Variants in FERMT2 observed in about 807,000 individuals in gnomAD.
FERMT2 encodes FERM domain containing kindlin 2.
Under a neutral mutation model 82.7 loss-of-function variants are expected in FERMT2, and 15 were observed. That is an observed-to-expected ratio of 0.18 (90% CI 0.12 to 0.28). The LOEUF is 0.28. Ranked by LOEUF, FERMT2 falls within the 10% of genes least tolerant of loss-of-function variation. The pLI is 1.00. For missense variants in FERMT2, 645 were observed against 809.4 expected (o/e 0.80, Z 2.46); for synonymous variants, 274 against 271.5 (o/e 1.01, Z -0.09).
intron 3 of FERMT2, among the ~76,000 whole-genome samples, chr14:52,916,900 A>T (rs1389621242): frequency 6.6e-6 from 1 of 152,212 alleles, no homozygotes; most frequent in Non-Finnish European, 1.5e-5. Flanking sequence ...ATAAACAATT[A>T]AAAAAAGGAA....
chr14:52,858,365 C>T lies in FERMT2; in HGVS notation c.*12G>A, dbSNP rs1178847575. The T allele has an allele frequency of 6.2e-7, 1 of 1,607,074 alleles. No individual in the cohort carries two copies. The highest frequency in any genetic ancestry group is 2.2e-5 in the East Asian group (1 of 44,832). The stretch of plus-strand genomic sequence containing the variant: ...GTTATGGCCGTGGAGTTTCATTAAA[C>T]AGTATTCCTATTCACACCCAACCAC... On this transcript the variant is annotated 3_prime_UTR_variant, in exon 15 of 15. Transcript: ENST00000341590.
In FERMT2 at chr14:52,858,189, T is replaced by A; in HGVS notation, c.*188A>T. 1 of 531,222 alleles carries A rather than the reference T, an allele frequency of 1.9e-6. No homozygotes were observed. Among genetic ancestry groups the A allele is most frequent in the South Asian group, 3.1e-5 (1 of 32,770 alleles). The allele number at this position is 531,222 out of a possible 1,614,324, so 32.9% of individuals were successfully genotyped here. A position where few individuals can be genotyped will look rare whatever the true frequency, so the allele number is the denominator to read the frequency against. ...GAATGTGTGACAAATTCAAGTTTAT[T>A]ATATCATAACATGATAGATTAATAG... is the stretch of plus-strand genomic sequence containing the variant. On this transcript the variant is annotated 3_prime_UTR_variant, in exon 15 of 15. Transcript: ENST00000341590.
At chr14:52,909,296 G>A (rs1257928179) in intron 3 of FERMT2, among the ~76,000 whole-genome samples, 3 of 152,120 alleles carry the variant, frequency 2.0e-5, no homozygotes, top group Non-Finnish European at 1.5e-5. Flanking sequence ...CTCAACCCAC[G>A]TATGCCTGGA....
At chr14:52,908,399 T>A (rs1035818095) in intron 3 of FERMT2, among the ~76,000 whole-genome samples, 14 of 152,198 alleles carry the variant, frequency 9.2e-5, no homozygotes, top group African/African-American at 3.1e-4. Context: ...AGCTTTTTTT[T>A]AAAATAATGA....
intron 3 of FERMT2, among the ~76,000 whole-genome samples, chr14:52,912,548 T>C (rs1005323061): frequency 2.0e-5 from 3 of 151,592 alleles, no homozygotes; most frequent in Admixed American, 2.0e-4. Flanking sequence ...TCTTACTCTG[T>C]TGCCCAGGCT....
chr14:52,942,859 T>C (rs1386999415), intron 2 of FERMT2, among the ~76,000 whole-genome samples: 2 of 152,136 alleles, frequency 1.3e-5, no homozygotes, highest in African/African-American at 4.8e-5. Flanking sequence ...GCTTATTTAA[T>C]AGTAAGCTAA....
intron 3 of FERMT2, among the ~76,000 whole-genome samples, chr14:52,902,260 G>T (rs1887697110): frequency 6.6e-6 from 1 of 151,992 alleles, no homozygotes; most frequent in South Asian, 2.1e-4. Context: ...GGGCATGATG[G>T]CGTGCATCTG....
intron 4 of FERMT2, among the ~76,000 whole-genome samples, chr14:52,887,470 A>G (rs1329028374): frequency 1.3e-5 from 2 of 152,108 alleles, no homozygotes; most frequent in African/African-American, 4.8e-5. Context: ...TAACATAGCA[A>G]GACCCTGTCC....
chr14:52,863,198 T>C (rs1022182305), intron 12 of FERMT2: 6 of 152,132 alleles, frequency 3.9e-5, no homozygotes, highest in Non-Finnish European at 7.4e-5. Context: ...GGATAAACAA[T>C]TTCTAGGCTT....
rs1885707460 is a variant in FERMT2 at position 52,872,808 on chromosome 14, T to C, written c.1264A>G (p.Asn422Asp). The C allele has an allele frequency of 6.2e-7, 1 of 1,613,826 alleles. No individual in the cohort carries two copies. Among genetic ancestry groups the C allele is most frequent in the African/African-American group, 1.3e-5 (1 of 74,936 alleles). The stretch of plus-strand genomic sequence containing the variant: ...GCCAGGCTCTCCTTACCCCTGAGGT[T>C]CATCTGATGAGCTGGTGTGCCACTG... ...ESSGTPAHQM[N>D]LRGCEVTPDV... is the part of the protein sequence containing the mutation. Residue 422 changes from asparagine (N) to aspartate (D), a missense_variant, in exon 10 of 15, where the codon AAC becomes GAC. Physicochemically the swap from Asn to Asp is conservative, Grantham distance 23 (BLOSUM62 1). Transcript: ENST00000341590.
chr14:52,880,628 A>C (rs1477728882), intron 6 of FERMT2, among the ~76,000 whole-genome samples: 2 of 152,076 alleles, frequency 1.3e-5, no homozygotes, highest in Non-Finnish European at 2.9e-5. Context: ...TGAATTCCTG[A>C]CCATGTGATC....
At chr14:52,878,372 A>T (rs1886093964) in intron 7 of FERMT2, among the ~76,000 whole-genome samples, 1 of 152,216 alleles carries the variant, frequency 6.6e-6, no homozygotes, top group African/African-American at 2.4e-5. Context: ...AATAGAGAAA[A>T]GTACTTAAGT....
intron 2 of FERMT2, among the ~76,000 whole-genome samples, chr14:52,945,353 C>T (rs1470732620): frequency 6.6e-6 from 1 of 151,750 alleles, no homozygotes; most frequent in East Asian, 1.9e-4. Flanking sequence ...CAGGTTCAAG[C>T]GATTCTCCTG....
At chr14:52,900,477 A>G (rs1887557975) in intron 3 of FERMT2, among the ~76,000 whole-genome samples, 1 of 151,548 alleles carries the variant, frequency 6.6e-6, no homozygotes, top group South Asian at 2.1e-4. Context: ...GAATACGTGC[A>G]TTTATTTTCA....
intron 3 of FERMT2, among the ~76,000 whole-genome samples, chr14:52,899,661 G>T (rs1390065276): frequency 2.0e-5 from 3 of 152,178 alleles, no homozygotes; most frequent in African/African-American, 7.2e-5. Context: ...CTAATGGTAG[G>T]TAGTTCCATA....
rs77583135 is a variant in FERMT2, at chr14:52,878,135, C to A, written c.963+447G>T. Reference sequence around the variant, plus strand: ...TTTGGTTCCACTAGTCTCTCTAAATCTTATCACCTAAAAGCATCGCTTTGC... The same window carrying A: ...TTTGGTTCCACTAGTCTCTCTAAATATTATCACCTAAAAGCATCGCTTTGC... On this transcript the variant is annotated intron_variant, in intron 7 of 14. Transcript: ENST00000341590. 7.7e-3 allele frequency among the ~76,000 whole-genome samples: 1,170 copies of A among 152,234 alleles called. 50 individuals carry two copies. Among genetic ancestry groups the A allele is most frequent in the Admixed American group, 0.063 (956 of 15,280 alleles).
At chr14:52,905,067 T>C (rs1454948615) in intron 3 of FERMT2, among the ~76,000 whole-genome samples, 3 of 151,172 alleles carry the variant, frequency 2.0e-5, no homozygotes, top group Admixed American at 1.3e-4. Context: ...TGTGCGCTTG[T>C]AATCCCAGCT....
intron 4 of FERMT2, among the ~76,000 whole-genome samples, chr14:52,884,061 T>C (rs1247128600): frequency 4.6e-5 from 7 of 152,172 alleles, no homozygotes; most frequent in Admixed American, 4.6e-4. Flanking sequence ...ACAAATACAA[T>C]CACACATTTA....
intron 7 of FERMT2, among the ~76,000 whole-genome samples, chr14:52,877,366 A>G (rs1886022749): frequency 1.3e-5 from 2 of 152,108 alleles, no homozygotes; most frequent in African/African-American, 4.8e-5. Context: ...GGGACTCCCA[A>G]CAAACTGCTC....
Sources: allele counts gnomAD v4.1 joint callset (sites outside exome capture counted in the v4.1 genomes callset), GRCh38; gene constraint gnomAD v4.1.1; transcripts MANE v1.5; gene names NCBI Gene and HGNC (gene_info 2026-07-23, HGNC 2026-07-21).